ZNF423: variants seen among roughly 807,000 people sequenced by gnomAD.
ZNF423 encodes Ebf-associated zinc finger protein.
A neutral mutation model predicts 95.8 loss-of-function variants in ZNF423; 12 were observed. The ratio of observed to expected loss-of-function variants is 0.13; its 90% CI spans 0.08 to 0.20. ZNF423 has a LOEUF of 0.20. ZNF423 is among the 10% of genes least tolerant of loss of function. The pLI is 1.00. For missense variants in ZNF423, 1,316 were observed against 1,737.1 expected (o/e 0.76, Z 4.31); for synonymous variants, 749 against 711.9 (o/e 1.05, Z -0.83).
rs771300748 is a variant in ZNF423 at position 49,491,225 on chromosome 16, C to T, written c.*50G>A. ...TGTAATGTTCAAATGGCCCTCCCCA[C>T]GGCGTCTCCGGCAAGCCTTCTGCGG... is the stretch of plus-strand genomic sequence containing the variant. On this transcript the variant is annotated 3_prime_UTR_variant, in exon 8 of 8. Transcript: ENST00000563137. The T allele has an allele frequency of 3.7e-6, 6 of 1,612,632 alleles. No individual in the cohort carries two copies. Among genetic ancestry groups the T allele is most frequent in the South Asian group, 1.1e-5 (1 of 91,056 alleles).
intron 1 of ZNF423, among the ~76,000 whole-genome samples, chr16:49,819,522 A>C (rs1391133057): frequency 1.3e-5 from 2 of 151,860 alleles, no homozygotes; most frequent in Admixed American, 6.5e-5. Flanking sequence ...ATCTCAGCTC[A>C]CTGCAACCTC....
At chr16:49,772,385 C>A (rs907602657) in intron 2 of ZNF423, among the ~76,000 whole-genome samples, 1 of 152,212 alleles carries the variant, frequency 6.6e-6, no homozygotes, top group African/African-American at 2.4e-5. Context: ...TCCCGAAATA[C>A]CTGCACAGTC....
chr16:49,850,072 T>C (rs1448488739), intron 1 of ZNF423, among the ~76,000 whole-genome samples: 1 of 152,252 alleles, frequency 6.6e-6, no homozygotes, highest in Non-Finnish European at 1.5e-5. Context: ...GACAGCCACA[T>C]GGAGCAATCA....
intron 3 of ZNF423, among the ~76,000 whole-genome samples, chr16:49,649,439 A>G (rs1045306010): frequency 5.9e-5 from 9 of 152,140 alleles, no homozygotes; most frequent in Non-Finnish European, 8.8e-5. Flanking sequence ...TAGGTATCCC[A>G]GCTCTCTACT....
chr16:49,505,406 C>A (rs1309492497), intron 7 of ZNF423, among the ~76,000 whole-genome samples: 1 of 152,194 alleles, frequency 6.6e-6, no homozygotes, highest in Non-Finnish European at 1.5e-5. Flanking sequence ...CCTGCATCCT[C>A]AAAATTTCTA....
intron 3 of ZNF423, among the ~76,000 whole-genome samples, chr16:49,679,743 G>A (rs1364000755): frequency 6.6e-6 from 1 of 152,254 alleles, no homozygotes; most frequent in East Asian, 1.9e-4. Context: ...AAAGGGGCGG[G>A]TCCCCAGTGA....
intron 2 of ZNF423, among the ~76,000 whole-genome samples, chr16:49,742,294 G>A (rs1157279950): frequency 6.6e-6 from 1 of 152,108 alleles, no homozygotes; most frequent in East Asian, 1.9e-4. Flanking sequence ...CAACTACAGT[G>A]GGTCAGGAAT....
chr16:49,495,689 C>T (rs899314262), intron 7 of ZNF423, among the ~76,000 whole-genome samples: 2 of 152,124 alleles, frequency 1.3e-5, no homozygotes, highest in Non-Finnish European at 1.5e-5. Context: ...CCCAAAGCAC[C>T]GCCACACACT....
intron 1 of ZNF423, among the ~76,000 whole-genome samples, chr16:49,839,533 T>C (rs1238938412): frequency 6.6e-6 from 1 of 152,120 alleles, no homozygotes; most frequent in Non-Finnish European, 1.5e-5. Flanking sequence ...GCCCTCCCAG[T>C]TACCTGTGCA....
At chr16:49,858,237 G>A (rs1389452678), upstream of ZNF423, among the ~76,000 whole-genome samples, 3 of 148,908 alleles carry the variant, frequency 2.0e-5, no homozygotes, top group Admixed American at 6.7e-5. The surrounding 1 kb of genome is among the most constrained non-coding windows in gnomAD (Gnocchi z 4.3). Flanking sequence ...GGGGCCGGCC[G>A]GGCCGCGGCG....
intron 7 of ZNF423, among the ~76,000 whole-genome samples, chr16:49,520,595 C>G (rs1279965472): frequency 2.0e-5 from 3 of 152,170 alleles, no homozygotes; most frequent in Admixed American, 6.5e-5. Context: ...CTGCAAATAC[C>G]AGGTGCCTGG....
intron 5 of ZNF423, among the ~76,000 whole-genome samples, chr16:49,577,358 G>A (rs372010391): frequency 1.3e-5 from 2 of 152,094 alleles, no homozygotes; most frequent in South Asian, 2.1e-4. Context: ...TATCATCACC[G>A]TTTTACTGAG....
intron 5 of ZNF423, among the ~76,000 whole-genome samples, chr16:49,591,441 T>C (rs1052394929): frequency 6.6e-6 from 1 of 151,308 alleles, no homozygotes; most frequent in African/African-American, 2.4e-5. Context: ...AAAAACAGTA[T>C]GGCCATTTAT....
At chr16:49,515,491 C>A (rs1292268289) in intron 7 of ZNF423, among the ~76,000 whole-genome samples, 2 of 152,220 alleles carry the variant, frequency 1.3e-5, no homozygotes, top group East Asian at 3.8e-4. Flanking sequence ...TGTGGCTCTG[C>A]CATTTGCAAA....
At chr16:49,746,234 G>A (rs571254646) in intron 2 of ZNF423, among the ~76,000 whole-genome samples, 6 of 152,224 alleles carry the variant, frequency 3.9e-5, no homozygotes, top group East Asian at 3.9e-4. Context: ...TTCCTGCACC[G>A]TTAAAGGAAT....
At chr16:49,510,974 A>G (rs1464315286) in intron 7 of ZNF423, among the ~76,000 whole-genome samples, 1 of 152,328 alleles carries the variant, frequency 6.6e-6, no homozygotes, top group South Asian at 2.1e-4. Context: ...ACAGGCTCCA[A>G]TGGGCAGACG....
chr16:49,690,612 A>G (rs999051429), intron 3 of ZNF423, among the ~76,000 whole-genome samples: 1 of 152,196 alleles, frequency 6.6e-6, no homozygotes, highest in African/African-American at 2.4e-5. Context: ...TTCCACCCCT[A>G]TTAATAAATC....
chr16:49,582,225 G>A (rs1443514161), intron 5 of ZNF423, among the ~76,000 whole-genome samples: 11 of 152,176 alleles, frequency 7.2e-5, no homozygotes, highest in African/African-American at 2.7e-4. Context: ...TTCCCTTCCT[G>A]AATCCATTGA....
intron 2 of ZNF423, among the ~76,000 whole-genome samples, chr16:49,757,411 G>GCCAGC (rs1252711148): frequency 3.3e-5 from 5 of 152,298 alleles, no homozygotes; most frequent in African/African-American, 9.6e-5. Context: ...GAATAAGGAG[G>GCCAGC]CCAGCCCCCT....
Sources: allele counts gnomAD v4.1 joint callset (sites outside exome capture counted in the v4.1 genomes callset), GRCh38; gene constraint gnomAD v4.1.1; non-coding constraint Gnocchi (gnomAD v3.1); transcripts MANE v1.5; gene names NCBI Gene and HGNC (gene_info 2026-07-23, HGNC 2026-07-21).